ITCH: variants seen among roughly 807,000 people sequenced by gnomAD.
The protein encoded by ITCH is E3 ubiquitin-protein ligase Itchy homolog.
ITCH carries 28 observed loss-of-function variants against 126.8 expected under a neutral mutation model. The ratio of observed to expected loss-of-function variants is 0.22; its 90% CI spans 0.16 to 0.30. The LOEUF is 0.30. ITCH is among the 10% of genes least tolerant of loss of function. ITCH has a pLI of 1.00. For synonymous variants in ITCH, 342 were observed against 340.0 expected (o/e 1.01, Z -0.06); for missense variants, 631 against 1,032.4 (o/e 0.61, Z 5.33).
rs1273914575 is a variant in ITCH at position 34,408,723 on chromosome 20, A to C, written c.143A>C (p.Asp48Ala). 6.2e-7 allele frequency: 1 copy of C among 1,614,060 alleles called. No individual in the cohort carries two copies. The highest frequency in any genetic ancestry group is 2.2e-5 in the East Asian group (1 of 44,866). ...GPSPYVEVTV[D>A]GQSKKTEKCN... ...AGTCCTTACGTAGAGGTCACAGTAG[A>C]TGGACAGTCAAAGAAGACAGAAAAA... The change falls in exon 4 of 25, where the codon GAT becomes GCT. Residue 48 changes from aspartate (D) to alanine (A), a missense_variant. Around this residue, in one of 4 missense-constraint regions of ITCH, gnomAD observed 220 missense variants for 265.7 expected, o/e 0.83. Coordinates refer to ENST00000374864, the MANE Select transcript of ITCH (RefSeq NM_031483.7).
At chr20:34,402,773 T>C (rs2038931966) in intron 3 of ITCH, 2 of 253,824 alleles carry the variant, frequency 7.9e-6, no homozygotes, top group Non-Finnish European at 1.6e-5. Context: ...GGTTGTTGGC[T>C]CATCTGTGTT....
chr20:34,488,588 C>G (rs1361648767), intron 20 of ITCH, among the ~76,000 whole-genome samples: 1 of 152,116 alleles, frequency 6.6e-6, no homozygotes, highest in African/African-American at 2.4e-5. Context: ...TGGCGCACGC[C>G]TGTAATGCCA....
In ITCH at chr20:34,457,491, G is replaced by T; in HGVS notation, c.1295+17G>T. ...AAGTCAAGGGTAAGAATAGTTACTT[G>T]TGTATATTTAATCTCTTAAAGATTA... On this transcript the variant is annotated intron_variant, in intron 13 of 24. Transcript: ENST00000374864. 1 of 1,490,132 alleles carries T rather than the reference G, an allele frequency of 6.7e-7. No individual in the cohort carries two copies. Among genetic ancestry groups the T allele is most frequent in the Non-Finnish European group, 9.4e-7 (1 of 1,068,694 alleles). 92.3% of individuals were successfully genotyped at this position (1,490,132 alleles called of 1,614,324 possible). A position where few individuals can be genotyped will look rare whatever the true frequency, so the allele number is the denominator to read the frequency against.
At chr20:34,413,267 T>C (rs1163115767) in intron 5 of ITCH, among the ~76,000 whole-genome samples, 1 of 152,200 alleles carries the variant, frequency 6.6e-6, no homozygotes, top group Non-Finnish European at 1.5e-5. Context: ...AATGTAGAAA[T>C]ATGTGTAGCT....
At chr20:34,390,432 A>T (rs1196107427) in intron 2 of ITCH, among the ~76,000 whole-genome samples, 1 of 150,568 alleles carries the variant, frequency 6.6e-6, no homozygotes, top group East Asian at 1.9e-4. Flanking sequence ...TATAGAATTG[A>T]CAAGAATAAT....
chr20:34,394,230 A>C (rs1027454578), intron 3 of ITCH, among the ~76,000 whole-genome samples: 3 of 151,652 alleles, frequency 2.0e-5, no homozygotes, highest in East Asian at 1.9e-4. Context: ...AAAAAAAAAA[A>C]AACTTAAGAG....
chr20:34,446,301 C>G (rs1984453372), intron 11 of ITCH, among the ~76,000 whole-genome samples: 1 of 152,210 alleles, frequency 6.6e-6, no homozygotes, highest in African/African-American at 2.4e-5. Flanking sequence ...CTCTTCCCCT[C>G]CACTGCCATT....
At chr20:34,499,716 TTTCC>T (rs1352957441) in intron 23 of ITCH, among the ~76,000 whole-genome samples, 10 of 152,132 alleles carry the variant, frequency 6.6e-5, no homozygotes, top group Admixed American at 3.9e-4. Flanking sequence ...TTATTATTTC[TTTCC>T]TTCTAGTAAT....
chr20:34,387,053 A>C (rs544786326), intron 2 of ITCH, among the ~76,000 whole-genome samples: 1 of 152,188 alleles, frequency 6.6e-6, no homozygotes, highest in Non-Finnish European at 1.5e-5. Context: ...CTGTAATCTC[A>C]GCACTTTGGG....
intron 7 of ITCH, among the ~76,000 whole-genome samples, chr20:34,434,018 A>G (rs1275947294): frequency 1.3e-5 from 2 of 152,170 alleles, no homozygotes; most frequent in Admixed American, 1.3e-4. Context: ...GCTCATGCCT[A>G]TAATCACAGC....
At chr20:34,499,084 C>T (rs1990071745) in intron 23 of ITCH, among the ~76,000 whole-genome samples, 1 of 151,518 alleles carries the variant, frequency 6.6e-6, no homozygotes, top group South Asian at 2.1e-4. Flanking sequence ...ACACCATTCT[C>T]CTGCCTCAGC....
chr20:34,445,492 A>T, intron 11 of ITCH, 31 bp downstream of exon 11: 1 of 1,607,218 alleles, frequency 6.2e-7, no homozygotes, highest in Admixed American at 1.7e-5. Flanking sequence ...TAAACTAATA[A>T]GAGTATTTTG....
intron 2 of ITCH, among the ~76,000 whole-genome samples, chr20:34,376,459 C>CATAAATAA (rs1010544824): frequency 6.7e-6 from 1 of 150,042 alleles, no homozygotes; most frequent in African/African-American, 2.5e-5. Flanking sequence ...AAAATAAATA[C>CATAAATAA]ATAAATAAAT....
chr20:34,442,435 G>A lies in ITCH; in HGVS notation c.965+132G>A, dbSNP rs528488948. 2.3e-4 allele frequency: 163 copies of A among 697,302 alleles called. No homozygotes were observed. The African/African-American group carries it at 2.6e-3, about 11-fold the overall frequency. The allele number at this position is 697,302 out of a possible 1,614,324, so 43.2% of individuals were successfully genotyped here. A position where few individuals can be genotyped will look rare whatever the true frequency, so the allele number is the denominator to read the frequency against. On this transcript the variant is annotated intron_variant, in intron 10 of 24. Coordinates refer to ENST00000374864, the MANE Select transcript of ITCH (RefSeq NM_031483.7). ...CTCTGTCCACTTTGTTTTGTGGTAA[G>A]TACAAATTAAAAAGAAGAGAGCTAG...
At chr20:34,414,403 CAG>C (rs1160762940) in intron 6 of ITCH, among the ~76,000 whole-genome samples, 2 of 128,774 alleles carry the variant, frequency 1.6e-5, no homozygotes, top group East Asian at 4.9e-4. Flanking sequence ...CAATGGCAGA[CAG>C]AGTTTATTGT....
In ITCH at chr20:34,393,791, GTT is replaced by G. The variant is rs1258071242; in HGVS notation, c.-18_-17del. ...ACAGTGTCTCCTTTGCCATGTTCAG[GTT>G]TTCCAACCTATTGGTGGTATGTCTG... is the stretch of plus-strand genomic sequence containing the variant. On this transcript the variant is annotated splice_region_variant and 5_prime_UTR_variant, in exon 3 of 25. Coordinates refer to ENST00000374864, the MANE Select transcript of ITCH (RefSeq NM_031483.7). 1 of 1,600,602 alleles carries G rather than the reference GTT, an allele frequency of 6.2e-7. No individual in the cohort carries two copies. Among genetic ancestry groups the G allele is most frequent in the Non-Finnish European group, 8.6e-7 (1 of 1,167,794 alleles).
At chr20:34,499,265 T>C (rs562856000) in intron 23 of ITCH, among the ~76,000 whole-genome samples, 138 of 119,046 alleles carry the variant, frequency 1.2e-3, no homozygotes, top group Non-Finnish European at 2.0e-3. Flanking sequence ...TGAGCCACTG[T>C]GCCCAGCTTT....
At chr20:34,397,584 T>TG (rs1354629754) in intron 3 of ITCH, among the ~76,000 whole-genome samples, 2 of 152,224 alleles carry the variant, frequency 1.3e-5, no homozygotes, top group East Asian at 3.8e-4. Context: ...TAAAGGTGAT[T>TG]GAATATAAAA....
At chr20:34,399,324 G>A (rs1486225969) in intron 3 of ITCH, among the ~76,000 whole-genome samples, 4 of 150,954 alleles carry the variant, frequency 2.6e-5, no homozygotes, top group Non-Finnish European at 4.4e-5. Flanking sequence ...CCCGGGAGGC[G>A]GAGATGGCGG....
Sources: gnomAD v4.1 joint callset for allele counts (sites outside exome capture counted in the v4.1 genomes callset) on GRCh38, gnomAD v4.1.1 for gene constraint, gnomAD v4.1.1 regional missense constraint, MANE v1.5 for transcripts, NCBI Gene and HGNC (gene_info 2026-07-23, HGNC 2026-07-21) for gene names.